TDP1: variants seen among roughly 807,000 people sequenced by gnomAD.
The protein encoded by TDP1 is tyr-DNA phosphodiesterase 1.
Under a neutral mutation model 81.5 loss-of-function variants are expected in TDP1, and 64 were observed. The observed-to-expected ratio is 0.79, with a 90% CI of 0.64 to 0.97. The LOEUF (loss-of-function observed/expected upper bound fraction) is 0.97. Ranked by LOEUF, TDP1 falls within the 50% of genes least tolerant of loss-of-function variation. The pLI, the probability that TDP1 is intolerant of heterozygous loss-of-function variation, is 0.00. For missense variants in TDP1, 723 were observed against 743.8 expected, an observed-to-expected ratio of 0.97 and a Z score of 0.33; for synonymous variants, 256 against 264.3, an observed-to-expected ratio of 0.97 and a Z score of 0.30.
rs536306154 is a variant in TDP1 at position 89,997,714 on chromosome 14, A to G, written c.1541+4231A>G. Among the ~76,000 whole-genome samples the G allele has an allele frequency of 3.3e-5, 5 of 152,334 alleles. No homozygotes were observed. In the East Asian group the frequency reaches 9.6e-4, roughly 29 times the overall value. On this transcript the variant is annotated intron_variant, in intron 14 of 16. Transcript: ENST00000335725. ...ATGCCTACCAGGTGTTCCATTGCCA[A>G]ACAAATGAATTGGATTCAAGCCATC...
intron 16 of TDP1, among the ~76,000 whole-genome samples, chr14:90,034,199 T>C (rs1438784165): frequency 6.6e-6 from 1 of 152,262 alleles, no homozygotes; most frequent in Non-Finnish European, 1.5e-5. Flanking sequence ...TGCTGTGTTC[T>C]CATTGAGGCT....
chr14:89,975,240 A>G (rs8014111), intron 6 of TDP1: 15,646 of 195,812 alleles, frequency 0.08, 1,809 homozygotes, highest in African/African-American at 0.28. Flanking sequence ...CACGCCTGGC[A>G]AATTTTTTCA....
intron 16 of TDP1, among the ~76,000 whole-genome samples, chr14:90,040,683 C>G (rs1888271633): frequency 6.6e-6 from 1 of 152,238 alleles, no homozygotes; most frequent in African/African-American, 2.4e-5. Flanking sequence ...AAGTTGTTCT[C>G]TCATGGGACA....
In TDP1 at chr14:89,973,773, C is replaced by G. The variant is rs574733053; in HGVS notation, c.757-2008C>G. On this transcript the variant is annotated intron_variant, in intron 6 of 16. Coordinates refer to ENST00000335725, the MANE Select transcript of TDP1 (RefSeq NM_018319.4). The stretch of plus-strand genomic sequence containing the variant: ...AATTACCTGGGTGACTTTTCTTGGA[C>G]TTGGGTCGCTGAAACAACAGACACT... Among the ~76,000 whole-genome samples, 20 of 152,160 alleles carry G rather than the reference C, an allele frequency of 1.3e-4. 2 individuals are homozygous for G. In the South Asian group the frequency reaches 3.5e-3, roughly 27 times the overall value.
At chr14:89,999,949 T>G (rs117489489) in intron 14 of TDP1, among the ~76,000 whole-genome samples, 2,571 of 152,320 alleles carry the variant, frequency 0.017, 38 homozygotes, top group Non-Finnish European at 0.02. Context: ...TATCTCATGG[T>G]TCCCGTGGGT....
intron 14 of TDP1, among the ~76,000 whole-genome samples, chr14:90,005,267 G>T (rs559074022): frequency 6.6e-6 from 1 of 152,178 alleles, no homozygotes; most frequent in South Asian, 2.1e-4. Context: ...GTTCCTTGGA[G>T]CCCTGTGGGC....
intron 16 of TDP1, among the ~76,000 whole-genome samples, chr14:90,038,501 A>T (rs935371149): frequency 2.1e-4 from 32 of 152,192 alleles, no homozygotes; most frequent in African/African-American, 5.8e-4. Context: ...AGTTGATTGG[A>T]TTATCCTTTC....
chr14:90,012,393 A>T (rs1378117880), intron 14 of TDP1, among the ~76,000 whole-genome samples: 1 of 151,844 alleles, frequency 6.6e-6, no homozygotes, highest in Admixed American at 6.5e-5. Flanking sequence ...CAGCTCCAGT[A>T]GGCAGTGCCC....
At chr14:89,980,436 A>G in intron 7 of TDP1, 104 bp from the exon 8 acceptor site, 1 of 1,421,202 alleles carries the variant, frequency 7.0e-7, no homozygotes, top group African/African-American at 1.4e-5. Context: ...GTAATATGAG[A>G]GTTTAAAAAA....
At chr14:90,012,324 G>A (rs1197527757) in intron 14 of TDP1, among the ~76,000 whole-genome samples, 1 of 151,976 alleles carries the variant, frequency 6.6e-6, no homozygotes, top group Non-Finnish European at 1.5e-5. Context: ...CCAGGCACAT[G>A]GTGCAAGCTG....
At chr14:90,028,336 G>A (rs554586843) in intron 15 of TDP1, among the ~76,000 whole-genome samples, 3 of 152,280 alleles carry the variant, frequency 2.0e-5, no homozygotes, top group South Asian at 4.1e-4. Flanking sequence ...GTTGCTACTC[G>A]GATAGCTGCA....
chr14:89,988,557 T>C, intron 10 of TDP1: 1 of 975,116 alleles, frequency 1.0e-6, no homozygotes, highest in Non-Finnish European at 1.2e-6. Context: ...CATTAAACAC[T>C]TGTGATTTCA....
Position 89,993,503 on chromosome 14 carries a change from C to A in TDP1, c.1541+20C>A, listed in dbSNP as rs768300413. On this transcript the variant is annotated intron_variant, in intron 14 of 16. Transcript: ENST00000335725. ...CACAAGGTAAATAGTCCTTACATTC[C>A]TGATGGGAGAAATCTTTTTAATGTG... The A allele has an allele frequency of 6.2e-7, 1 of 1,610,574 alleles. No individual in the cohort carries two copies. Among genetic ancestry groups the A allele is most frequent in the Non-Finnish European group, 8.5e-7 (1 of 1,177,682 alleles).
At chr14:89,972,882 T>G (rs989043823) in intron 6 of TDP1, among the ~76,000 whole-genome samples, 4 of 152,240 alleles carry the variant, frequency 2.6e-5, no homozygotes, top group Non-Finnish European at 5.9e-5. Flanking sequence ...GCTCTGCAAG[T>G]ACAGAGACAG....
chr14:89,981,526 G>A (rs1460881083), intron 8 of TDP1: 1 of 453,114 alleles, frequency 2.2e-6, no homozygotes, highest in African/African-American at 2.0e-5. Flanking sequence ...TCTGTGTTGG[G>A]AGAAACTCGG....
intron 15 of TDP1, among the ~76,000 whole-genome samples, chr14:90,029,609 C>T (rs553243405): frequency 1.4e-4 from 21 of 151,750 alleles, no homozygotes; most frequent in African/African-American, 4.8e-4. Context: ...AGCGATTCTC[C>T]TGTCTCAGCC....
At chr14:90,012,022 G>T (rs1488838020) in intron 14 of TDP1, among the ~76,000 whole-genome samples, 4 of 152,238 alleles carry the variant, frequency 2.6e-5, no homozygotes, top group Non-Finnish European at 5.9e-5. Flanking sequence ...AAATGGCTTT[G>T]TGGGCCAGGC....
intron 14 of TDP1, among the ~76,000 whole-genome samples, chr14:89,996,265 C>T (rs1489469980): frequency 2.0e-5 from 3 of 152,114 alleles, no homozygotes; most frequent in African/African-American, 7.2e-5. Flanking sequence ...AGTACAGATT[C>T]CTCAGTTTGG....
chr14:90,019,198 T>C (rs1325172224), intron 14 of TDP1, 118 bp from the exon 15 acceptor site: 2 of 1,303,164 alleles, frequency 1.5e-6, no homozygotes, highest in African/African-American at 2.9e-5. Context: ...TGCTAGAAAA[T>C]GAATGAATGT....
Sources: gnomAD v4.1 joint callset for allele counts (sites outside exome capture counted in the v4.1 genomes callset) on GRCh38, gnomAD v4.1.1 for gene constraint, MANE v1.5 for transcripts, NCBI Gene and HGNC (gene_info 2026-07-23, HGNC 2026-07-21) for gene names.